RBFOX1: variants seen among roughly 807,000 people sequenced by gnomAD.
RBFOX1 encodes the protein RNA binding fox-1 homolog 1.
Under a neutral mutation model 57.7 loss-of-function variants are expected in RBFOX1, and 8 were observed. That is an observed-to-expected ratio of 0.14 (90% confidence interval 0.08 to 0.25). The LOEUF (loss-of-function observed/expected upper bound fraction) is 0.25, where lower values mean the gene tolerates loss of function less well. Ranked by LOEUF, RBFOX1 falls within the 10% of genes least tolerant of loss-of-function variation. RBFOX1 has a pLI of 1.00. For synonymous variants in RBFOX1, 326 were observed against 222.4 expected, an observed-to-expected ratio of 1.47 and a Z score of -4.15; for missense variants, 611 against 548.5, an observed-to-expected ratio of 1.11 and a Z score of -1.14.
chr16:6,530,449 G>C (rs2096641615), intron 2 of RBFOX1, among the ~76,000 whole-genome samples: 1 of 152,122 alleles, frequency 6.6e-6, no homozygotes, highest in African/African-American at 2.4e-5. Context: ...CTATTTGTCT[G>C]GTTTCTTTGT....
At chr16:6,500,896 T>TTTTTTTTTTGTTTGTTTG (rs2095896619) in intron 2 of RBFOX1, among the ~76,000 whole-genome samples, 3 of 142,330 alleles carry the variant, frequency 2.1e-5, no homozygotes, top group African/African-American at 5.2e-5. Context: ...TTTTTTTTTT[T>TTTTTTTTTTGTTTGTTTG]TTTTTAATGC....
At chr16:7,053,918 A>G (rs907906913) in intron 4 of RBFOX1, among the ~76,000 whole-genome samples, 7 of 152,102 alleles carry the variant, frequency 4.6e-5, no homozygotes, top group Non-Finnish European at 7.4e-5. Context: ...GATTGGATAG[A>G]GCACACATAT....
intron 3 of RBFOX1, among the ~76,000 whole-genome samples, chr16:5,709,024 A>G (rs1005065559): frequency 5.9e-5 from 9 of 152,064 alleles, no homozygotes; most frequent in African/African-American, 1.7e-4. Flanking sequence ...CAACCGAAAT[A>G]TTTCCCTACT....
chr16:6,878,155 C>T (rs2062189478), intron 3 of RBFOX1, among the ~76,000 whole-genome samples: 1 of 152,124 alleles, frequency 6.6e-6, no homozygotes, highest in Admixed American at 6.5e-5. Context: ...TGTGTTGCTA[C>T]AATGTAAATA....
chr16:6,961,916 G>T (rs901370795), intron 3 of RBFOX1, among the ~76,000 whole-genome samples: 1 of 152,094 alleles, frequency 6.6e-6, no homozygotes, highest in African/African-American at 2.4e-5. Flanking sequence ...TTATCAGCAG[G>T]GTCTTTATGA....
intron 1 of RBFOX1, among the ~76,000 whole-genome samples, chr16:6,188,981 C>G (rs1186178806): frequency 1.3e-5 from 2 of 152,156 alleles, no homozygotes; most frequent in Non-Finnish European, 2.9e-5. Context: ...CAAGATGAAG[C>G]TAGTCAATTC....
chr16:6,383,789 A>G (rs1328417658), intron 2 of RBFOX1, among the ~76,000 whole-genome samples: 3 of 151,944 alleles, frequency 2.0e-5, no homozygotes, highest in African/African-American at 7.3e-5. Context: ...AAAAGAAAAG[A>G]AAAACAGCAC....
chr16:5,574,435 T>TC (rs2046387842), intron 2 of RBFOX1, among the ~76,000 whole-genome samples: 1 of 151,826 alleles, frequency 6.6e-6, no homozygotes, highest in South Asian at 2.1e-4. Flanking sequence ...CTTTTTTTTT[T>TC]TTAAGACGGT....
intron 2 of RBFOX1, among the ~76,000 whole-genome samples, chr16:6,328,126 T>C (rs2082589377): frequency 6.6e-6 from 1 of 152,112 alleles, no homozygotes; most frequent in Non-Finnish European, 1.5e-5. Flanking sequence ...AAGAAATGAA[T>C]TAGTGGCTTT....
intron 3 of RBFOX1, among the ~76,000 whole-genome samples, chr16:5,641,090 CACCATGCAT>C (rs1377867533): frequency 6.6e-6 from 1 of 151,788 alleles, no homozygotes; most frequent in Non-Finnish European, 1.5e-5. Context: ...CACACATGCA[CACCATGCAT>C]ACACATGCAT....
At chr16:5,980,281 C>G (rs2060146127) in intron 4 of RBFOX1, among the ~76,000 whole-genome samples, 1 of 152,238 alleles carries the variant, frequency 6.6e-6, no homozygotes, top group Non-Finnish European at 1.5e-5. Flanking sequence ...CCAGCAGGAT[C>G]TTGTGACTAG....
chr16:5,356,826 C>T (rs974704440), intron 1 of RBFOX1, among the ~76,000 whole-genome samples: 6 of 152,118 alleles, frequency 3.9e-5, no homozygotes, highest in Non-Finnish European at 7.3e-5. Context: ...TTGTCATTGT[C>T]CTTATGTTTG....
chr16:5,904,004 A>T (rs1349673021), intron 4 of RBFOX1, among the ~76,000 whole-genome samples: 1 of 152,128 alleles, frequency 6.6e-6, no homozygotes, highest in East Asian at 1.9e-4. Context: ...AATGGAGATG[A>T]ATGTAATTGG....
intron 3 of RBFOX1, among the ~76,000 whole-genome samples, chr16:6,986,780 G>C (rs1434106901): frequency 6.6e-6 from 1 of 151,942 alleles, no homozygotes; most frequent in African/African-American, 2.4e-5. Flanking sequence ...TCCTCCACTT[G>C]CCTTTAAGAA....
intron 4 of RBFOX1, among the ~76,000 whole-genome samples, chr16:7,369,231 C>T (rs537271166): frequency 3.3e-4 from 50 of 151,884 alleles, no homozygotes; most frequent in African/African-American, 1.1e-3. Context: ...AGCAAACACA[C>T]CCAAACAAAC....
chr16:7,362,712 C>G (rs554436174), intron 4 of RBFOX1, among the ~76,000 whole-genome samples: 2 of 151,832 alleles, frequency 1.3e-5, no homozygotes, highest in South Asian at 2.1e-4. Flanking sequence ...TGTATGCATG[C>G]TAGTGTGTGC....
At chr16:5,495,621 C>A (rs559463762) in intron 2 of RBFOX1, among the ~76,000 whole-genome samples, 1 of 152,192 alleles carries the variant, frequency 6.6e-6, no homozygotes. Context: ...TGGCTAAGAC[C>A]AACGGGACCC....
intron 4 of RBFOX1, among the ~76,000 whole-genome samples, chr16:7,061,830 G>C (rs1028559008): frequency 2.0e-5 from 3 of 152,024 alleles, no homozygotes; most frequent in South Asian, 2.1e-4. Flanking sequence ...CTGTTCCTTT[G>C]AGGTCTAAAT....
At chr16:7,198,598 G>A (rs112865424) in intron 4 of RBFOX1, among the ~76,000 whole-genome samples, 28 of 152,256 alleles carry the variant, frequency 1.8e-4, no homozygotes, top group African/African-American at 6.5e-4. Context: ...AAGTCCAAGA[G>A]CATGACACTG....
Sources: gnomAD v4.1 joint callset for allele counts (sites outside exome capture counted in the v4.1 genomes callset) on GRCh38, gnomAD v4.1.1 for gene constraint, MANE v1.5 for transcripts, NCBI Gene and HGNC (gene_info 2026-07-23, HGNC 2026-07-21) for gene names.